THSD7B: variants seen among roughly 807,000 people sequenced by gnomAD.
THSD7B encodes thrombospondin type-1 domain-containing protein 7B.
THSD7B carries 138 observed loss-of-function variants against 213.6 expected under a neutral mutation model. That is an observed-to-expected ratio of 0.65 (90% CI 0.56 to 0.74). The LOEUF (loss-of-function observed/expected upper bound fraction) is 0.74. Among genes scored for constraint, THSD7B ranks in the 30% least tolerant of loss-of-function variants. The pLI is 0.00. For synonymous variants in THSD7B, 742 were observed against 687.0 expected (o/e 1.08, Z -1.25); for missense variants, 1,931 against 1,991.5 (o/e 0.97, Z 0.58).
rs150238164 is a variant in THSD7B, at chr2:137,118,442, A to G, written c.1369+3149A>G. Among the ~76,000 whole-genome samples, 5 of 152,332 alleles carry G rather than the reference A, an allele frequency of 3.3e-5. No homozygotes were observed. The East Asian group carries it at 7.7e-4, about 23-fold the overall frequency. ...CAAATATAAATTTAAGTGGCATAGA[A>G]GTAGATATGTCATATATTGGTATAT... is the stretch of plus-strand genomic sequence containing the variant. On this transcript the variant is annotated intron_variant, in intron 5 of 27. Transcript: ENST00000409968.
At chr2:137,026,455 G>A (rs1490036943) in intron 2 of THSD7B, among the ~76,000 whole-genome samples, 1 of 152,090 alleles carries the variant, frequency 6.6e-6, no homozygotes, top group Non-Finnish European at 1.5e-5. Context: ...GTAAAACTTT[G>A]GGAAAAGGAT....
chr2:137,420,130 A>G (rs1686891984), intron 14 of THSD7B, among the ~76,000 whole-genome samples: 1 of 152,120 alleles, frequency 6.6e-6, no homozygotes. Flanking sequence ...CTTTTAGATA[A>G]AAGCCATTTT....
chr2:137,587,409 A>C (rs567049889), intron 17 of THSD7B, among the ~76,000 whole-genome samples: 27 of 151,960 alleles, frequency 1.8e-4, no homozygotes, highest in African/African-American at 6.0e-4. Flanking sequence ...GGGGAGAGGC[A>C]CTCTGATTTT....
At chr2:137,389,969 A>G (rs889461150) in intron 12 of THSD7B, among the ~76,000 whole-genome samples, 1 of 152,068 alleles carries the variant, frequency 6.6e-6, no homozygotes, top group African/African-American at 2.4e-5. Context: ...TGGGGTTTTG[A>G]AGTCAGGTAG....
At chr2:137,045,575 A>G (rs1379930357) in intron 2 of THSD7B, among the ~76,000 whole-genome samples, 2 of 152,254 alleles carry the variant, frequency 1.3e-5, no homozygotes, top group Non-Finnish European at 2.9e-5. Context: ...AAAACCACAA[A>G]AAGTGAAGCC....
intron 7 of THSD7B, among the ~76,000 whole-genome samples, chr2:137,221,449 C>A (rs918719718): frequency 6.6e-6 from 1 of 152,030 alleles, no homozygotes; most frequent in Non-Finnish European, 1.5e-5. Flanking sequence ...ACCCATAGAA[C>A]TATACAACTA....
chr2:137,396,778 A>G (rs1419982983), intron 12 of THSD7B, among the ~76,000 whole-genome samples: 1 of 151,160 alleles, frequency 6.6e-6, no homozygotes, highest in Non-Finnish European at 1.5e-5. Flanking sequence ...AAAGTCTCCC[A>G]TTATTAATGT....
intron 27 of THSD7B, among the ~76,000 whole-genome samples, chr2:137,671,736 CAAGAT>C (rs1333388717): frequency 6.6e-6 from 1 of 152,172 alleles, no homozygotes; most frequent in Non-Finnish European, 1.5e-5. Context: ...GATTACAACT[CAAGAT>C]GAGATTTAGG....
chr2:137,341,984 G>A (rs542870839), intron 12 of THSD7B, among the ~76,000 whole-genome samples: 1 of 151,116 alleles, frequency 6.6e-6, no homozygotes, highest in Non-Finnish European at 1.5e-5. Flanking sequence ...TGTTGTTGTT[G>A]TTGCTCCATA....
In THSD7B at chr2:137,255,654, C is replaced by T. The variant is rs139473219; in HGVS notation, c.2266+13082C>T. Among the ~76,000 whole-genome samples, 746 of 152,296 alleles carry T rather than the reference C, an allele frequency of 4.9e-3. 3 individuals carry two copies. The highest frequency in any genetic ancestry group is 0.017 in the African/African-American group (708 of 41,562). On this transcript the variant is annotated intron_variant, in intron 10 of 27. Coordinates refer to ENST00000409968, the MANE Select transcript of THSD7B (RefSeq NM_001316349.2). ...TTTTTCCATCTCATTCAGACTTTCA[C>T]TTACTGTTCCCTCTTTCTGGGAATC...
intron 3 of THSD7B, among the ~76,000 whole-genome samples, chr2:137,063,759 A>G (rs993606833): frequency 6.6e-6 from 1 of 152,066 alleles, no homozygotes; most frequent in Non-Finnish European, 1.5e-5. Flanking sequence ...GTCACAGGTA[A>G]GTGAGAACAT....
At chr2:136,786,719 A>AT (rs1305917974) in intron 1 of THSD7B, among the ~76,000 whole-genome samples, 5 of 152,114 alleles carry the variant, frequency 3.3e-5, no homozygotes, top group Non-Finnish European at 7.4e-5. Flanking sequence ...TGACACTGGT[A>AT]TTTCCATTGT....
At position 136,848,364 on chromosome 2, in the gene THSD7B, GCCC is replaced by G. The variant is rs1683043288; in HGVS notation, c.-35-33779_-35-33777del. On this transcript the variant is annotated intron_variant, in intron 1 of 27. Transcript: ENST00000409968. Reference sequence around the variant, plus strand: ...TGGGAATTAGTAGGGCTGGGATCTGGCCCTATAATTTGCATTTCTAACAAGTTT... The same window carrying G: ...TGGGAATTAGTAGGGCTGGGATCTGGTATAATTTGCATTTCTAACAAGTTT... Among the ~76,000 whole-genome samples, 5 of 152,132 alleles carry G rather than the reference GCCC, an allele frequency of 3.3e-5. No individual in the cohort carries two copies. The South Asian group carries it at 1.0e-3, about 32-fold the overall frequency.
intron 15 of THSD7B, among the ~76,000 whole-genome samples, chr2:137,471,054 G>T (rs563871963): frequency 6.6e-6 from 1 of 151,774 alleles, no homozygotes; most frequent in Non-Finnish European, 1.5e-5. Flanking sequence ...CAAGTAGCTG[G>T]GATTACAGGC....
intron 1 of THSD7B, among the ~76,000 whole-genome samples, chr2:136,858,868 TTCA>T (rs1683217270): frequency 6.6e-6 from 1 of 152,206 alleles, no homozygotes; most frequent in Non-Finnish European, 1.5e-5. Flanking sequence ...GCGACAGATG[TTCA>T]TCAAGTTGCT....
At chr2:137,166,382 A>C (rs1175777861) in intron 6 of THSD7B, among the ~76,000 whole-genome samples, 2 of 152,184 alleles carry the variant, frequency 1.3e-5, no homozygotes, top group Non-Finnish European at 2.9e-5. Flanking sequence ...TACATTTTAA[A>C]ATTTTTTCTT....
At chr2:137,577,880 T>C (rs978676908) in intron 17 of THSD7B, among the ~76,000 whole-genome samples, 1 of 152,134 alleles carries the variant, frequency 6.6e-6, no homozygotes, top group Non-Finnish European at 1.5e-5. Context: ...GTTAATTAAC[T>C]GATTATTCAT....
intron 7 of THSD7B, among the ~76,000 whole-genome samples, chr2:137,180,252 G>T (rs1239251981): frequency 1.3e-5 from 2 of 152,164 alleles, no homozygotes; most frequent in Admixed American, 1.3e-4. Context: ...TGAATCAACA[G>T]TGTGAGCACT....
At chr2:136,997,185 G>A (rs1685907711) in intron 2 of THSD7B, among the ~76,000 whole-genome samples, 1 of 152,162 alleles carries the variant, frequency 6.6e-6, no homozygotes, top group African/African-American at 2.4e-5. Flanking sequence ...ATTCCCTGGT[G>A]TAGGAAACCA....
Sources: allele counts gnomAD v4.1 joint callset (sites outside exome capture counted in the v4.1 genomes callset), GRCh38; gene constraint gnomAD v4.1.1; transcripts MANE v1.5; gene names NCBI Gene and HGNC (gene_info 2026-07-23, HGNC 2026-07-21).